The following ABCD2 variants were observed in gnomAD, a reference collection of about 807,000 sequenced individuals.
ABCD2 encodes ATP binding cassette subfamily D member 2.
A neutral mutation model predicts 70.9 loss-of-function variants in ABCD2; 36 were observed. The ratio of observed to expected loss-of-function variants is 0.51; its 90% CI spans 0.39 to 0.67. The LOEUF is 0.67. Among genes scored for constraint, ABCD2 ranks in the 30% least tolerant of loss-of-function variants. The pLI, the probability that ABCD2 is intolerant of heterozygous loss-of-function variation, is 0.00. For synonymous variants in ABCD2, 304 were observed against 306.9 expected (o/e 0.99, Z 0.10); for missense variants, 729 against 890.2 (o/e 0.82, Z 2.30).
At chr12:39,571,914 A>C (rs972097034) in intron 9 of ABCD2, among the ~76,000 whole-genome samples, 9 of 152,178 alleles carry the variant, frequency 5.9e-5, no homozygotes, top group Non-Finnish European at 1.0e-4. Context: ...CCCACTTCTG[A>C]AATCTATTCA....
chr12:39,587,327 T>C (rs949085859), intron 6 of ABCD2, among the ~76,000 whole-genome samples: 3 of 152,208 alleles, frequency 2.0e-5, no homozygotes, highest in Non-Finnish European at 4.4e-5. Context: ...GCAGGGTTTC[T>C]CAACAACGGC....
chr12:39,614,219 T>G (rs779237603), intron 2 of ABCD2, among the ~76,000 whole-genome samples: 3 of 152,352 alleles, frequency 2.0e-5, no homozygotes, highest in Non-Finnish European at 4.4e-5. Flanking sequence ...CCAGAATATC[T>G]GACTCAGGAG....
chr12:39,563,338 G>A (rs1941289116), intron 9 of ABCD2, among the ~76,000 whole-genome samples: 2 of 152,082 alleles, frequency 1.3e-5, no homozygotes, highest in Non-Finnish European at 2.9e-5. Context: ...GTTGCAGTGA[G>A]ATATGATCAC....
chr12:39,531,550 A>G, the ABCD2 span, among the ~76,000 whole-genome samples: 1 of 152,224 alleles, frequency 6.6e-6, no homozygotes, highest in Non-Finnish European at 1.5e-5. Flanking sequence ...TAAACAGTAC[A>G]AAGTTTAGGC....
intron 9 of ABCD2, among the ~76,000 whole-genome samples, chr12:39,566,803 T>A (rs1460900920): frequency 1.3e-5 from 2 of 152,236 alleles, no homozygotes; most frequent in Non-Finnish European, 2.9e-5. Context: ...CTGCTTTGAA[T>A]GTGTCCCAGA....
chr12:39,553,436 G>A lies in ABCD2; in HGVS notation c.*476C>T, dbSNP rs1323543609. 6.6e-6 allele frequency: 1 copy of A among 152,380 alleles called. No individual in the cohort carries two copies. Among genetic ancestry groups the A allele is most frequent in the Admixed American group, 6.5e-5 (1 of 15,274 alleles). 9.4% of individuals were successfully genotyped at this position (152,380 alleles called of 1,614,324 possible). On this transcript the variant is annotated 3_prime_UTR_variant, in exon 10 of 10. Transcript: ENST00000308666. ...CTGTCAGCTATTTTGTACAGGTTTA[G>A]TTGGCCACTAGCAATAATCAATTTG...
chr12:39,597,102 T>C (rs1380006693), intron 6 of ABCD2, among the ~76,000 whole-genome samples: 1 of 152,190 alleles, frequency 6.6e-6, no homozygotes, highest in East Asian at 1.9e-4. Flanking sequence ...TGTAATGTGA[T>C]GTATGCAAAT....
intron 6 of ABCD2, among the ~76,000 whole-genome samples, chr12:39,588,841 T>C (rs957338725): frequency 2.0e-5 from 3 of 151,764 alleles, no homozygotes; most frequent in Non-Finnish European, 2.9e-5. Context: ...CTCTTTCGAA[T>C]AAAAGAAACT....
At chr12:39,536,854 G>A in the ABCD2 span, among the ~76,000 whole-genome samples, 5 of 152,128 alleles carry the variant, frequency 3.3e-5, no homozygotes, top group Non-Finnish European at 5.9e-5. Flanking sequence ...AATTTGGTTA[G>A]GCTAAAAACC....
At chr12:39,545,396 G>A (rs1047264821), downstream of ABCD2, among the ~76,000 whole-genome samples, 5 of 152,050 alleles carry the variant, frequency 3.3e-5, no homozygotes, top group African/African-American at 1.2e-4. Flanking sequence ...GGGTTCAAGC[G>A]ATTCTCCCGC....
intron 6 of ABCD2, among the ~76,000 whole-genome samples, chr12:39,596,959 A>G (rs539672661): frequency 6.6e-6 from 1 of 152,090 alleles, no homozygotes; most frequent in East Asian, 1.9e-4. Context: ...CAATACAAAT[A>G]CTATGCATTG....
chr12:39,611,576 T>C (rs991437665), intron 2 of ABCD2, among the ~76,000 whole-genome samples: 5 of 152,098 alleles, frequency 3.3e-5, no homozygotes, highest in Admixed American at 2.0e-4. Flanking sequence ...AAGATCTAAA[T>C]GTGAAATGAA....
At chr12:39,602,136 T>TTTA in intron 5 of ABCD2, among the ~76,000 whole-genome samples, 1 of 102,634 alleles carries the variant, frequency 9.7e-6, no homozygotes, top group East Asian at 2.8e-4. Context: ...ATTTTATTTA[T>TTTA]TTATTTATTT....
At chr12:39,601,970 T>C (rs1413053064) in intron 5 of ABCD2, among the ~76,000 whole-genome samples, 1 of 151,928 alleles carries the variant, frequency 6.6e-6, no homozygotes, top group African/African-American at 2.4e-5. Context: ...CCATTCTCTA[T>C]TAGGCATTCT....
At position 39,575,307 on chromosome 12, in the gene ABCD2, T is replaced by C. The variant is rs1941501282; in HGVS notation, c.1878-1466A>G. 2.0e-5 allele frequency among the ~76,000 whole-genome samples: 3 copies of C among 152,144 alleles called. No homozygotes were observed. In the East Asian group the frequency reaches 5.8e-4, roughly 29 times the overall value. ...TCCGTTGTCATAGCAACCTCTACTC[T>C]AGCAGATGTAAGATCACATGTTTTA... On this transcript the variant is annotated intron_variant, in intron 8 of 9. Coordinates refer to ENST00000308666, the MANE Select transcript of ABCD2 (RefSeq NM_005164.4).
At chr12:39,617,195 C>CT (rs761231874) in intron 1 of ABCD2, 27 bp from the exon 2 acceptor site, 25 of 1,468,430 alleles carry the variant, frequency 1.7e-5, no homozygotes, top group East Asian at 1.7e-4. Flanking sequence ...GAGTTGAGGA[C>CT]TTTTTTTAAA....
At chr12:39,544,777 T>C in the ABCD2 span, among the ~76,000 whole-genome samples, 4 of 151,712 alleles carry the variant, frequency 2.6e-5, no homozygotes, top group Non-Finnish European at 5.9e-5. Flanking sequence ...GTGAGAAGAG[T>C]GGAACTGCTT....
At chr12:39,567,155 TG>T (rs1470050396) in intron 9 of ABCD2, among the ~76,000 whole-genome samples, 1 of 152,220 alleles carries the variant, frequency 6.6e-6, no homozygotes, top group Admixed American at 6.5e-5. Context: ...GTCTGCTTGG[TG>T]CAGAGCTGAG....
chr12:39,608,141 C>T (rs543661592), intron 2 of ABCD2, among the ~76,000 whole-genome samples: 4 of 151,570 alleles, frequency 2.6e-5, no homozygotes, highest in Admixed American at 6.6e-5. Flanking sequence ...GGACTCCAGC[C>T]TGGGCCACAG....
Sources: allele counts gnomAD v4.1 joint callset (sites outside exome capture counted in the v4.1 genomes callset), GRCh38; gene constraint gnomAD v4.1.1; transcripts MANE v1.5; gene names NCBI Gene and HGNC (gene_info 2026-07-23, HGNC 2026-07-21).